Variants in NCAN observed in about 807,000 individuals in gnomAD.
NCAN encodes neurocan, also known as neurocan core protein.
Under a neutral mutation model 121.8 loss-of-function variants are expected in NCAN, and 47 were observed. The observed-to-expected ratio is 0.39, with a 90% CI of 0.31 to 0.49. The LOEUF is 0.49. Among genes scored for constraint, NCAN ranks in the 20% least tolerant of loss-of-function variants. NCAN has a pLI of 0.92. For missense variants in NCAN, 1,517 were observed against 1,773.4 expected (o/e 0.86, Z 2.60); for synonymous variants, 633 against 702.0 (o/e 0.90, Z 1.55).
chr19:19,244,993 T>C (rs2060919099), intron 12 of NCAN, among the ~76,000 whole-genome samples: 2 of 152,150 alleles, frequency 1.3e-5, no homozygotes, highest in South Asian at 4.1e-4. Context: ...ATTACAGGCA[T>C]GAGCCACCAG....
chr19:19,227,445 G>A lies in NCAN; in HGVS notation c.1825G>A (p.Ala609Thr), dbSNP rs766766149. 2.5e-6 allele frequency: 4 copies of A among 1,613,608 alleles called. No individual in the cohort carries two copies. In the South Asian group the frequency reaches 4.4e-5, roughly 18 times the overall value. ...TPDLFWSPLE[A>T]TVSAPSPAPW... ...AGACCTGTTTTGGTCCCCCTTGGAG[G>A]CCACTGTCTCAGCTCCCAGCCCTGC... The change falls in exon 8 of 15, where the codon GCC becomes ACC. Residue 609 changes from alanine to threonine, a missense_variant. Physicochemically the swap from Ala to Thr is moderately conservative, Grantham distance 58. Transcript: ENST00000252575. The surrounding 1 kb of genome is among the most constrained non-coding windows in gnomAD (Gnocchi z 4.2).
chr19:19,224,482 T>G lies in NCAN; in HGVS notation c.778+49T>G, dbSNP rs756340785. Reference sequence around the variant, plus strand: ...CGGCCCCTCCGCCTCTCTTTGAGTATCTATTATTCTCCCCAACTCCCATCC... The same window carrying G: ...CGGCCCCTCCGCCTCTCTTTGAGTAGCTATTATTCTCCCCAACTCCCATCC... On this transcript the variant is annotated intron_variant, in intron 5 of 14. Coordinates refer to ENST00000252575, the MANE Select transcript of NCAN (RefSeq NM_004386.3). 1.9e-6 allele frequency: 3 copies of G among 1,587,928 alleles called. No individual in the cohort carries two copies. In the African/African-American group the frequency reaches 4.0e-5, roughly 21 times the overall value.
At position 19,213,174 on chromosome 19, in the gene NCAN, C is replaced by T. The variant is rs74623884; in HGVS notation, c.-8+1110C>T. On this transcript the variant is annotated intron_variant, in intron 1 of 14. Coordinates refer to ENST00000252575, the MANE Select transcript of NCAN (RefSeq NM_004386.3). ...GGAAGGGGTGGGTGCACTGTGGGAC[C>T]CCAGAACCCAGCCGTCGCAATAGCT... 8.6e-3 allele frequency among the ~76,000 whole-genome samples: 1,313 copies of T among 152,174 alleles called. 73 individuals carry two copies. In the East Asian group the frequency reaches 0.17, roughly 20 times the overall value.
chr19:19,234,966 C>G lies in NCAN; in HGVS notation c.3137-17C>G, dbSNP rs1408070165. On this transcript the variant is annotated splice_polypyrimidine_tract_variant and intron_variant, in intron 9 of 14. Coordinates refer to ENST00000252575, the MANE Select transcript of NCAN (RefSeq NM_004386.3). The stretch of plus-strand genomic sequence containing the variant: ...GGGAAGCTGACCTCTAACTCAGTCT[C>G]TTCCCCTCTCTGCCAGACATTGATG... 2 of 1,572,466 alleles carry G rather than the reference C, an allele frequency of 1.3e-6. No individual in the cohort carries two copies. The highest frequency in any genetic ancestry group is 1.7e-6 in the Non-Finnish European group (2 of 1,145,240).
intron 12 of NCAN, among the ~76,000 whole-genome samples, chr19:19,243,328 C>T (rs1474681628): frequency 6.6e-6 from 1 of 151,458 alleles, no homozygotes; most frequent in Admixed American, 6.6e-5. Context: ...CCAGCCTGAC[C>T]AATATGGTAA....
rs1246075309 is a variant in NCAN at position 19,225,421 on chromosome 19, AG to A, written c.1072+153del. Reference sequence around the variant, plus strand: ...GGGTGAGGGCCACGCCCCCGGGTGAAGGCCACACCCGTTACGACAAGTCTTT... The same window carrying A: ...GGGTGAGGGCCACGCCCCCGGGTGAAGCCACACCCGTTACGACAAGTCTTT... On this transcript the variant is annotated intron_variant, in intron 6 of 14. Transcript: ENST00000252575. This position sits in a 1 kb window ranked among gnomAD's most constrained non-coding sequence, Gnocchi z 4.0. 2 of 1,027,348 alleles carry A rather than the reference AG, an allele frequency of 1.9e-6. No individual in the cohort carries two copies. The highest frequency in any genetic ancestry group is 3.4e-5 in the African/African-American group (2 of 58,122). 63.6% of individuals were successfully genotyped at this position (1,027,348 alleles called of 1,614,324 possible).
At chr19:19,245,182 T>G in intron 12 of NCAN, 131 bp from the exon 13 acceptor site, 1 of 1,123,886 alleles carries the variant, frequency 8.9e-7, no homozygotes, top group East Asian at 2.6e-5. Context: ...ACAGTGGCCA[T>G]TGTAGAGATG....
chr19:19,218,834 ATT>A, intron 2 of NCAN, 79 bp from the exon 3 acceptor site: 1 of 1,354,458 alleles, frequency 7.4e-7, no homozygotes, highest in Non-Finnish European at 9.5e-7. Context: ...CTTTTAAAAA[ATT>A]TTTTAAAAGA....
rs566410962 is a variant in NCAN, at chr19:19,223,896, C to T, written c.476-125C>T. The T allele has an allele frequency of 1.1e-4, 107 of 962,950 alleles. No homozygotes were observed. In the African/African-American group the frequency reaches 1.6e-3, roughly 14 times the overall value. The allele number at this position is 962,950 out of a possible 1,614,324, so 59.7% of individuals were successfully genotyped here. On this transcript the variant is annotated intron_variant, in intron 3 of 14. Coordinates refer to ENST00000252575, the MANE Select transcript of NCAN (RefSeq NM_004386.3). Reference sequence around the variant, plus strand: ...TCTTGCTCCCCACCCTCGACCCACACTGTGCCTGGCGCTAGGTCTATTATT... The same window carrying T: ...TCTTGCTCCCCACCCTCGACCCACATTGTGCCTGGCGCTAGGTCTATTATT...
Position 19,228,053 on chromosome 19 carries a change from C to T in NCAN, c.2433C>T (p.Thr811=), listed in dbSNP as rs2060844543. 2 of 1,613,422 alleles carry T rather than the reference C, an allele frequency of 1.2e-6. No individual in the cohort carries two copies. The highest frequency in any genetic ancestry group is 2.7e-5 in the African/African-American group (2 of 74,894). Residue 811 remains threonine, a synonymous_variant, in exon 8 of 15, where the codon ACC becomes ACT. Transcript: ENST00000252575. ...SPGVFLVPKV[T]PNLEPWVATD... is the part of the protein sequence containing the mutation. ...GAGTCTTCTTGGTACCCAAAGTCAC[C>T]CCAAATTTGGAGCCTTGGGTTGCTA... is the stretch of plus-strand genomic sequence containing the variant.
intron 11 of NCAN, among the ~76,000 whole-genome samples, chr19:19,239,430 C>T (rs1214813589): frequency 7.4e-6 from 1 of 135,338 alleles, no homozygotes; most frequent in African/African-American, 2.8e-5. Flanking sequence ...ACCTCTTCCT[C>T]CCTCTTCCCC....
rs199502218 is a variant in NCAN at position 19,226,843 on chromosome 19, C to T, written c.1430C>T (p.Pro477Leu). The change falls in exon 7 of 15, where the codon CCT (proline) becomes CTT (leucine). Residue 477 changes from proline (P) to leucine (L), a missense_variant. Coordinates refer to ENST00000252575, the MANE Select transcript of NCAN (RefSeq NM_004386.3). Reference protein sequence around the residue: ...HTEVAPTDPMPRRRGRFKGLN... With the variant: ...HTEVAPTDPMLRRRGRFKGLN... ...GAGGTGGCCCCAACTGACCCTATGC[C>T]TAGGAGAAGGGGGCGCTTCAAAGGG... The T allele has an allele frequency of 2.5e-6, 4 of 1,613,200 alleles. No individual in the cohort carries two copies. The highest frequency in any genetic ancestry group is 3.4e-6 in the Non-Finnish European group (4 of 1,179,924).
chr19:19,227,803 C>A lies in NCAN; in HGVS notation c.2183C>A (p.Pro728His). 6.2e-7 allele frequency: 1 copy of A among 1,613,718 alleles called. No individual in the cohort carries two copies. The highest frequency in any genetic ancestry group is 8.5e-7 in the Non-Finnish European group (1 of 1,180,030). The part of the protein sequence containing the change: ...KAEHSSSSPW[P>H]SVNRNVAVGF... ...GAGCACTCCAGCTCCAGCCCATGGC[C>A]TTCTGTAAACAGGAATGTGGCTGTA... The change falls in exon 8 of 15, where the codon CCT (proline) becomes CAT (histidine). Residue 728 changes from proline (P) to histidine (H), a missense_variant. Physicochemically the swap from Pro to His is moderately conservative, Grantham distance 77 (BLOSUM62 -2). Coordinates refer to ENST00000252575, the MANE Select transcript of NCAN (RefSeq NM_004386.3). This position sits in a 1 kb window ranked among gnomAD's most constrained non-coding sequence, Gnocchi z 4.2.
At chr19:19,216,032 G>A (rs1261061644) in intron 1 of NCAN, among the ~76,000 whole-genome samples, 1 of 152,162 alleles carries the variant, frequency 6.6e-6, no homozygotes, top group Non-Finnish European at 1.5e-5. Context: ...GCACAGAGAA[G>A]GTAAGCAACT....
chr19:19,234,645 T>C (rs946443275), intron 9 of NCAN, among the ~76,000 whole-genome samples: 1 of 152,212 alleles, frequency 6.6e-6, no homozygotes, highest in African/African-American at 2.4e-5. Context: ...TGCAAGTCTT[T>C]GCAAATGCCT....
At chr19:19,231,330 C>CTT (rs560601760) in intron 8 of NCAN, among the ~76,000 whole-genome samples, 9,976 of 134,724 alleles carry the variant, frequency 0.074, 649 homozygotes, top group African/African-American at 0.17. Flanking sequence ...CATGGGGTTT[C>CTT]TTTTTTTTTT....
chr19:19,233,027 C>T (rs1233665961), intron 8 of NCAN: 1 of 151,900 alleles, frequency 6.6e-6, no homozygotes, highest in East Asian at 1.9e-4. Context: ...CCGCCTTCGG[C>T]ATTCAAGGGA....
chr19:19,228,178 A>C lies in NCAN; in HGVS notation c.2558A>C (p.Glu853Ala). ...GAACCTGGATCCCAGGTGTTTGAAG[A>C]AGCCGAAAGCACCACCTTGAGCCCT... ...IWEPGSQVFE[E>A]AESTTLSPQV... The change falls in exon 8 of 15, where the codon GAA becomes GCA. Residue 853 changes from glutamate (E) to alanine (A), a missense_variant. Glu to Ala is a moderately radical substitution (Grantham distance 107). Transcript: ENST00000252575. The C allele has an allele frequency of 6.2e-7, 1 of 1,613,844 alleles. No homozygotes were observed. The highest frequency in any genetic ancestry group is 8.5e-7 in the Non-Finnish European group (1 of 1,180,014).
At chr19:19,237,968 G>A (rs2146551623) in intron 10 of NCAN, among the ~76,000 whole-genome samples, 1 of 152,320 alleles carries the variant, frequency 6.6e-6, no homozygotes, top group Non-Finnish European at 1.5e-5. Context: ...GCTTGAGTAT[G>A]GGAGGCGGAG....
Sources: allele counts gnomAD v4.1 joint callset (sites outside exome capture counted in the v4.1 genomes callset), GRCh38; gene constraint gnomAD v4.1.1; non-coding constraint Gnocchi (gnomAD v3.1); transcripts MANE v1.5; gene names NCBI Gene and HGNC (gene_info 2026-07-23, HGNC 2026-07-21).